ARPC1B: variants seen among roughly 807,000 people sequenced by gnomAD.
The protein encoded by ARPC1B is actin-related protein 2/3 complex subunit 1B.
In ARPC1B, 29 loss-of-function variants were observed where a neutral mutation model predicts 46.0. The observed-to-expected ratio is 0.63, with a 90% CI of 0.47 to 0.86. The LOEUF is 0.86. Ranked by LOEUF, ARPC1B falls within the 40% of genes least tolerant of loss-of-function variation. The pLI is 0.00. For synonymous variants in ARPC1B, 201 were observed against 213.9 expected, an observed-to-expected ratio of 0.94 and a Z score of 0.53; for missense variants, 469 against 529.4, an observed-to-expected ratio of 0.89 and a Z score of 1.12.
At chr7:99,387,926 C>G (rs972179053) in intron 3 of ARPC1B, 113 bp from the exon 4 acceptor site, 1 of 712,862 alleles carries the variant, frequency 1.4e-6, no homozygotes, top group Non-Finnish European at 2.5e-6. Context: ...GCCTGCTGGG[C>G]AGATACAGCT....
chr7:99,383,036 T>G (rs11973460), intron 1 of ARPC1B, among the ~76,000 whole-genome samples: 53,645 of 151,512 alleles, frequency 0.35, 16,131 homozygotes, highest in African/African-American at 0.82. Flanking sequence ...GTAGAGACAG[T>G]CTTTCACCAT....
chr7:99,389,738 C>T (rs918282740), intron 4 of ARPC1B, 167 bp from the exon 5 acceptor site: 46 of 653,934 alleles, frequency 7.0e-5, no homozygotes, highest in Non-Finnish European at 1.1e-4. Context: ...ACATCCCTGC[C>T]GCCCCAGGGC....
chr7:99,394,521 T>C lies in ARPC1B; in HGVS notation c.*32T>C. 6.2e-7 allele frequency: 1 copy of C among 1,613,960 alleles called. No homozygotes were observed. The highest frequency in any genetic ancestry group is 8.5e-7 in the Non-Finnish European group (1 of 1,180,000). On this transcript the variant is annotated 3_prime_UTR_variant, in exon 10 of 10. Coordinates refer to ENST00000646101, the MANE Select transcript of ARPC1B (RefSeq NM_005720.4). Reference sequence around the variant, plus strand: ...AGGAATATGTTGCCTTCATCCTAGCTGCTGGGGAAGCGGGGAGAGGGGTCA... The same window carrying C: ...AGGAATATGTTGCCTTCATCCTAGCCGCTGGGGAAGCGGGGAGAGGGGTCA...
intron 3 of ARPC1B, 44 bp from the exon 4 acceptor site, chr7:99,387,995 C>A (rs758019238): frequency 9.5e-6 from 13 of 1,364,808 alleles, no homozygotes; most frequent in Non-Finnish European, 1.3e-5. Context: ...GCCACCTCTG[C>A]CTGAGTGTCA....
chr7:99,388,528 A>G, intron 4 of ARPC1B: 1 of 464,228 alleles, frequency 2.2e-6, no homozygotes, highest in Admixed American at 3.4e-5. Context: ...ACTTCCCTGC[A>G]GCTCCGTGGA....
chr7:99,391,400 G>C (rs950758249), intron 7 of ARPC1B, 147 bp downstream of exon 7: 14 of 884,888 alleles, frequency 1.6e-5, no homozygotes, highest in Non-Finnish European at 1.2e-5. Flanking sequence ...GGGCAGAACA[G>C]GTTGGGTTAT....
At position 99,390,917 on chromosome 7, in the gene ARPC1B, G is replaced by A; in HGVS notation, c.525G>A (p.Glu175=). The A allele has an allele frequency of 6.2e-7, 1 of 1,611,110 alleles. No homozygotes were observed. The highest frequency in any genetic ancestry group is 8.5e-7 in the Non-Finnish European group (1 of 1,177,938). The change falls in exon 6 of 10, where the codon GAG becomes GAA. Residue 175 remains glutamate, a synonymous_variant. Transcript: ENST00000646101. Reference sequence around the variant, plus strand: ...GGATCTTTTCAGCCTACATCAAGGAGGTGGAGGAACGGCCGGCACCCACCC... The same window carrying A: ...GGATCTTTTCAGCCTACATCAAGGAAGTGGAGGAACGGCCGGCACCCACCC... ...KCRIFSAYIK[E]VEERPAPTPW...
chr7:99,380,366 A>G (rs1794174875), intron 1 of ARPC1B, among the ~76,000 whole-genome samples: 1 of 152,188 alleles, frequency 6.6e-6, no homozygotes, highest in East Asian at 1.9e-4. Context: ...GCTGCTTTGC[A>G]GAAGTTATGG....
At chr7:99,388,593 C>T (rs1794474303) in intron 4 of ARPC1B, 1 of 237,968 alleles carries the variant, frequency 4.2e-6, no homozygotes, top group South Asian at 9.3e-5. Context: ...CTGTAGCAGT[C>T]ACTTTCTCAA....
At chr7:99,378,821 G>C (rs2150886206) in intron 1 of ARPC1B, among the ~76,000 whole-genome samples, 1 of 120,840 alleles carries the variant, frequency 8.3e-6, no homozygotes, top group African/African-American at 3.6e-5. Context: ...CTGTCCTCCA[G>C]GCTGGAGTGC....
chr7:99,375,601 C>T (rs562014452), intron 1 of ARPC1B, among the ~76,000 whole-genome samples: 1 of 152,316 alleles, frequency 6.6e-6, no homozygotes, highest in East Asian at 1.9e-4. Context: ...CCCCCTGCCT[C>T]CTCTGCCAAT....
chr7:99,382,801 ATTATTT>A (rs1794267501), intron 1 of ARPC1B, among the ~76,000 whole-genome samples: 2 of 134,214 alleles, frequency 1.5e-5, no homozygotes, highest in African/African-American at 5.7e-5. Flanking sequence ...TTATTTATTT[ATTATTT>A]TTAAGTTATT....
At chr7:99,391,655 G>A (rs1052631931) in intron 7 of ARPC1B, among the ~76,000 whole-genome samples, 1 of 151,872 alleles carries the variant, frequency 6.6e-6, no homozygotes, top group African/African-American at 2.4e-5. Context: ...TTGGGAGGCT[G>A]AGGCAGGAGG....
chr7:99,378,447 G>A (rs1028942335), intron 1 of ARPC1B, among the ~76,000 whole-genome samples: 15 of 151,858 alleles, frequency 9.9e-5, no homozygotes, highest in East Asian at 4.0e-4. Context: ...TTGGGAGGCC[G>A]AGGCGGGTGG....
intron 1 of ARPC1B, among the ~76,000 whole-genome samples, chr7:99,383,808 G>A (rs901719372): frequency 4.6e-5 from 7 of 152,188 alleles, no homozygotes; most frequent in African/African-American, 1.7e-4. Context: ...GGCTGGGGAG[G>A]CCTGCTCCTC....
Position 99,386,826 on chromosome 7 carries a change from A to C in ARPC1B, c.169+37A>C, listed in dbSNP as rs1187737962. 5.3e-6 allele frequency: 8 copies of C among 1,523,464 alleles called. No homozygotes were observed. In the African/African-American group the frequency reaches 5.5e-5, roughly 11 times the overall value. 94.4% of individuals were successfully genotyped at this position (1,523,464 alleles called of 1,614,324 possible). Reference sequence around the variant, plus strand: ...TGGCTGGGACCACCGTCCTGAAAGGAGGTGGTGGGTTGGGGGGGTGGTGCA... The same window carrying C: ...TGGCTGGGACCACCGTCCTGAAAGGCGGTGGTGGGTTGGGGGGGTGGTGCA... On this transcript the variant is annotated intron_variant, in intron 3 of 9. Coordinates refer to ENST00000646101, the MANE Select transcript of ARPC1B (RefSeq NM_005720.4).
intron 2 of ARPC1B, chr7:99,386,397 G>C (rs1794392290): frequency 1.8e-6 from 1 of 557,304 alleles, no homozygotes; most frequent in South Asian, 1.5e-5. Context: ...GGCAGGTGCA[G>C]GGGCCCTGAG....
chr7:99,391,049 G>C lies in ARPC1B; in HGVS notation c.657G>C (p.Trp219Cys). The change falls in exon 6 of 10, where the codon TGG becomes TGC. Residue 219 changes from tryptophan (W) to cysteine (C), a missense_variant. Coordinates refer to ENST00000646101, the MANE Select transcript of ARPC1B (RefSeq NM_005720.4). ...CFSASGSRVA[W>C]VSHDSTVCLA... ...CAGCCAGCGGGAGCCGCGTGGCCTG[G>C]GTAAGCCACGACAGCACCGTCTGCC... The C allele has an allele frequency of 6.2e-7, 1 of 1,613,956 alleles. No homozygotes were observed. Among genetic ancestry groups the C allele is most frequent in the South Asian group, 1.1e-5 (1 of 91,074 alleles).
intron 5 of ARPC1B, among the ~76,000 whole-genome samples, chr7:99,390,260 G>A (rs1165281141): frequency 1.3e-5 from 2 of 152,176 alleles, no homozygotes; most frequent in East Asian, 1.9e-4. Flanking sequence ...TGCCCGGGCT[G>A]GAATGCAGTA....
Sources: allele counts gnomAD v4.1 joint callset (sites outside exome capture counted in the v4.1 genomes callset), GRCh38; gene constraint gnomAD v4.1.1; transcripts MANE v1.5; gene names NCBI Gene and HGNC (gene_info 2026-07-23, HGNC 2026-07-21).